ZC3H12B: variants seen among roughly 807,000 people sequenced by gnomAD.
The protein encoded by ZC3H12B is probable ribonuclease ZC3H12B.
ZC3H12B carries 7 observed loss-of-function variants against 43.9 expected under a neutral mutation model. That is an observed-to-expected ratio of 0.16 (90% CI 0.09 to 0.30). The LOEUF is 0.30. Among genes scored for constraint, ZC3H12B ranks in the 10% least tolerant of loss-of-function variants. The pLI is 1.00. For missense variants in ZC3H12B, 475 were observed against 670.2 expected, an observed-to-expected ratio of 0.71 and a Z score of 3.22; for synonymous variants, 222 against 241.7, an observed-to-expected ratio of 0.92 and a Z score of 0.76.
At chrX:65,401,843 G>C (rs771721261) in intron 3 of ZC3H12B, among the ~76,000 whole-genome samples, 1 of 111,941 alleles carries the variant, frequency 8.9e-6, no homozygotes, top group East Asian at 2.8e-4. Flanking sequence ...AGCCAGAAAG[G>C]AACCCACTGC....
intron 2 of ZC3H12B, among the ~76,000 whole-genome samples, chrX:65,386,457 ATGG>A (rs2066527192): frequency 9.0e-6 from 1 of 111,541 alleles, no homozygotes; most frequent in African/African-American, 3.3e-5. Context: ...GTATTCTCTG[ATGG>A]TAGTTTGTAT....
At chrX:65,458,970 A>G (rs2148171732) in intron 3 of ZC3H12B, among the ~76,000 whole-genome samples, 1 of 105,772 alleles carries the variant, frequency 9.5e-6, no homozygotes, top group South Asian at 4.4e-4. Flanking sequence ...TAGCAAGACT[A>G]ATAAAGAAGA....
chrX:65,055,949 T>C, the ZC3H12B span, among the ~76,000 whole-genome samples: 1 of 112,083 alleles, frequency 8.9e-6, no homozygotes, highest in South Asian at 3.7e-4. Context: ...TTTATCATTT[T>C]TTATTGCATG....
chrX:65,278,463 G>A, the ZC3H12B span, among the ~76,000 whole-genome samples: 1 of 111,446 alleles, frequency 9.0e-6, no homozygotes, highest in Non-Finnish European at 1.9e-5. Flanking sequence ...ATCCTTAGTT[G>A]AGCAGCTCAA....
chrX:65,433,977 T>C (rs1381855452), intron 3 of ZC3H12B, among the ~76,000 whole-genome samples: 1 of 111,923 alleles, frequency 8.9e-6, no homozygotes, highest in Non-Finnish European at 1.9e-5. Flanking sequence ...AGGCTTTTTA[T>C]CTATTTCACT....
rs1199361054 is a variant in ZC3H12B at position 65,507,606 on chromosome X, A to ATCTC, written c.*4399_*4402dup. ...TTTAATGGTTGTAAACTTTTATAAA[A>ATCTC]TCTCTTTGGGTTTTTTGTTTGACCC... is the stretch of plus-strand genomic sequence containing the variant. On this transcript the variant is annotated 3_prime_UTR_variant, in exon 5 of 5. Coordinates refer to ENST00000338957, the Ensembl canonical transcript of ZC3H12B. 4 of 112,007 alleles carry ATCTC rather than the reference A, an allele frequency of 3.6e-5. No homozygotes were observed. In the Admixed American group the frequency reaches 3.8e-4, roughly 11 times the overall value. The allele number at this position is 112,007 out of a possible 1,213,427, so 9.2% of individuals were successfully genotyped here. A position where few individuals can be genotyped will look rare whatever the true frequency, so the allele number is the denominator to read the frequency against.
At chrX:65,439,637 A>T (rs1264610592) in intron 3 of ZC3H12B, among the ~76,000 whole-genome samples, 3 of 112,124 alleles carry the variant, frequency 2.7e-5, no homozygotes, top group Non-Finnish European at 1.9e-5. Flanking sequence ...TCATAGAATG[A>T]TTGCATCCAG....
the ZC3H12B span, among the ~76,000 whole-genome samples, chrX:65,040,370 CTGTT>C: frequency 2.0e-5 from 2 of 99,988 alleles, no homozygotes; most frequent in African/African-American, 8.2e-5. Context: ...CTATCATTAA[CTGTT>C]TTTTTTTTTT....
the ZC3H12B span, among the ~76,000 whole-genome samples, chrX:65,086,460 T>C: frequency 9.0e-6 from 1 of 111,555 alleles, no homozygotes; most frequent in Non-Finnish European, 1.9e-5. Flanking sequence ...GTTACCATTT[T>C]CACTGCTGTG....
At chrX:65,039,243 C>G in the ZC3H12B span, among the ~76,000 whole-genome samples, 3 of 111,588 alleles carry the variant, frequency 2.7e-5, no homozygotes, top group Admixed American at 1.9e-4. Flanking sequence ...GGAAAGTTCC[C>G]TTGTAGTCTG....
chrX:65,051,269 A>AT, the ZC3H12B span, among the ~76,000 whole-genome samples: 19 of 110,347 alleles, frequency 1.7e-4, no homozygotes, highest in African/African-American at 4.9e-4. Context: ...ATTTGTCAAT[A>AT]TTTTTTATCT....
the ZC3H12B span, among the ~76,000 whole-genome samples, chrX:65,176,427 G>T: frequency 9.0e-6 from 1 of 111,591 alleles, no homozygotes; most frequent in African/African-American, 3.3e-5. Flanking sequence ...CTAGAACAGA[G>T]CACCTGGGTG....
chrX:65,272,662 A>C, the ZC3H12B span: 1 of 111,882 alleles, frequency 8.9e-6, no homozygotes. Context: ...AGTGAAGAAT[A>C]GAGCTCTTAT....
At chrX:65,336,879 C>T in the ZC3H12B span, among the ~76,000 whole-genome samples, 1 of 112,270 alleles carries the variant, frequency 8.9e-6, no homozygotes, top group African/African-American at 3.2e-5. Flanking sequence ...ATCCTGTCAT[C>T]CACAGACATC....
the ZC3H12B span, among the ~76,000 whole-genome samples, chrX:65,317,973 C>T: frequency 9.3e-6 from 1 of 107,095 alleles, no homozygotes; most frequent in Non-Finnish European, 1.9e-5. Flanking sequence ...AGTTTTGCTG[C>T]TATAAACATG....
the ZC3H12B span, among the ~76,000 whole-genome samples, chrX:65,202,072 A>ATT: frequency 1.1e-5 from 1 of 87,381 alleles, no homozygotes; most frequent in Non-Finnish European, 2.2e-5. Context: ...TAATATATAT[A>ATT]TTACATATAA....
chrX:65,167,453 G>A, the ZC3H12B span, among the ~76,000 whole-genome samples: 2 of 111,772 alleles, frequency 1.8e-5, no homozygotes, highest in Non-Finnish European at 3.8e-5. Flanking sequence ...TAGCCTTGTA[G>A]TGTAGTTTGA....
At chrX:65,211,416 T>C in the ZC3H12B span, among the ~76,000 whole-genome samples, 1 of 108,524 alleles carries the variant, frequency 9.2e-6, no homozygotes, top group Non-Finnish European at 1.9e-5. Context: ...AGTTGCCATT[T>C]ACTGAACACT....
chrX:65,459,758 A>G (rs1406983349), intron 3 of ZC3H12B, among the ~76,000 whole-genome samples: 2 of 111,818 alleles, frequency 1.8e-5, no homozygotes, highest in African/African-American at 6.5e-5. Context: ...ATCATACTGA[A>G]TGGGCAAAAA....
Sources: gnomAD v4.1 joint callset for allele counts (sites outside exome capture counted in the v4.1 genomes callset) on GRCh38, gnomAD v4.1.1 for gene constraint, MANE v1.5 for transcripts, NCBI Gene and HGNC (gene_info 2026-07-23, HGNC 2026-07-21) for gene names.